Variants in VARS2 observed in about 807,000 individuals in gnomAD.
VARS2 encodes the protein valine--tRNA ligase, mitochondrial.
Under a neutral mutation model 154.1 loss-of-function variants are expected in VARS2, and 105 were observed. That is an observed-to-expected ratio of 0.68 (90% CI 0.58 to 0.80). The LOEUF (loss-of-function observed/expected upper bound fraction) is 0.80. Ranked by LOEUF, VARS2 falls within the 30% of genes least tolerant of loss-of-function variation. The pLI, the probability that VARS2 is intolerant of heterozygous loss-of-function variation, is 0.00. For missense variants in VARS2, 1,157 were observed against 1,361.4 expected, an observed-to-expected ratio of 0.85 and a Z score of 2.36; for synonymous variants, 483 against 539.5, an observed-to-expected ratio of 0.90 and a Z score of 1.45.
In VARS2 at chr6:30,916,295, G is replaced by T; in HGVS notation, c.671+46G>T. 1 of 1,519,124 alleles carries T rather than the reference G, an allele frequency of 6.6e-7. No individual in the cohort carries two copies. The highest frequency in any genetic ancestry group is 9.0e-7 in the Non-Finnish European group (1 of 1,115,608). 94.1% of individuals were successfully genotyped at this position (1,519,124 alleles called of 1,614,324 possible). On this transcript the variant is annotated intron_variant, in intron 7 of 29. Transcript: ENST00000676266. This position sits in a 1 kb window ranked among gnomAD's most constrained non-coding sequence, Gnocchi z 4.0. Reference sequence around the variant, plus strand: ...TCGGGGGGCCCAGATGGCAGATTTGGTTTCTTGCCTCCCACCACTATCACT... The same window carrying T: ...TCGGGGGGCCCAGATGGCAGATTTGTTTTCTTGCCTCCCACCACTATCACT...
In VARS2 at chr6:30,926,113, C is replaced by T. The variant is rs747034589; in HGVS notation, c.3095C>T (p.Ser1032Phe). The part of the protein sequence containing the change: ...EAGTQRQQKL[S>F]SLQLELSKLD... ...CCTCCTTTTCTCCTCGTCCAGCTTT[C>T]TTCCCTCCAGCTGGAATTGTCAAAA... is the stretch of plus-strand genomic sequence containing the variant. The change falls in exon 30 of 30, where the codon TCT (serine) becomes TTT (phenylalanine). Residue 1032 changes from serine to phenylalanine, a missense_variant. Physicochemically the swap from Ser to Phe is radical, Grantham distance 155. Transcript: ENST00000676266. The T allele has an allele frequency of 1.9e-6, 3 of 1,613,106 alleles. No individual in the cohort carries two copies. Among genetic ancestry groups the T allele is most frequent in the Non-Finnish European group, 2.5e-6 (3 of 1,180,030 alleles).
intron 11 of VARS2, 39 bp downstream of exon 11, chr6:30,918,954 C>T: frequency 1.3e-6 from 2 of 1,569,460 alleles, no homozygotes; most frequent in Non-Finnish European, 8.8e-7. Context: ...GCCCGCCCCG[C>T]CAATGGCCTT....
In VARS2 at chr6:30,916,030, G is replaced by A; in HGVS notation, c.556G>A (p.Ala186Thr). The change falls in exon 6 of 30, where the codon GCA (alanine) becomes ACA (threonine). Residue 186 changes from alanine to threonine, a missense_variant. Ala to Thr is a moderately conservative substitution (Grantham distance 58, BLOSUM62 0). Coordinates refer to ENST00000676266, the MANE Select transcript of VARS2 (RefSeq NM_020442.6). The surrounding 1 kb of genome is among the most constrained non-coding windows in gnomAD (Gnocchi z 4.0). Reference protein sequence around the residue: ...QVLWVPGSDHAGIATQAVVEK... With the variant: ...QVLWVPGSDHTGIATQAVVEK... The stretch of plus-strand genomic sequence containing the variant: ...GCTGTGGGTCCCTGGTTCAGATCAT[G>A]CAGGAATTGCTACACAAGTATGTCT... The A allele has an allele frequency of 6.2e-7, 1 of 1,614,030 alleles. No individual in the cohort carries two copies. The highest frequency in any genetic ancestry group is 8.5e-7 in the Non-Finnish European group (1 of 1,179,902).
chr6:30,919,160 C>T lies in VARS2; in HGVS notation c.1074+245C>T. The stretch of plus-strand genomic sequence containing the variant: ...TTGAGACAGAGTCTCGCTCTGTCAC[C>T]AAGGCTGGAGGGCAGTGGTGTGATC... On this transcript the variant is annotated intron_variant, in intron 11 of 29. Coordinates refer to ENST00000676266, the MANE Select transcript of VARS2 (RefSeq NM_020442.6). This position sits in a 1 kb window ranked among gnomAD's most constrained non-coding sequence, Gnocchi z 4.5. 1 of 461,058 alleles carries T rather than the reference C, an allele frequency of 2.2e-6. No homozygotes were observed. Among genetic ancestry groups the T allele is most frequent in the Non-Finnish European group, 3.9e-6 (1 of 253,914 alleles). The allele number at this position is 461,058 out of a possible 1,614,324, so 28.6% of individuals were successfully genotyped here.
Position 30,916,272 on chromosome 6 carries a change from G to T in VARS2, c.671+23G>T. ...GGCGTGAGTATGATGGGCAGGACTC[G>T]GGGGGCCCAGATGGCAGATTTGGTT... On this transcript the variant is annotated intron_variant, in intron 7 of 29. Coordinates refer to ENST00000676266, the MANE Select transcript of VARS2 (RefSeq NM_020442.6). This position sits in a 1 kb window ranked among gnomAD's most constrained non-coding sequence, Gnocchi z 4.0. The T allele has an allele frequency of 6.3e-7, 1 of 1,588,452 alleles. No homozygotes were observed. The highest frequency in any genetic ancestry group is 8.6e-7 in the Non-Finnish European group (1 of 1,165,014).
In VARS2 at chr6:30,925,951, C is replaced by T. The variant is rs1043483; in HGVS notation, c.3033C>T (p.Asp1011=). ...ARRYKLQKQL[D]SLTARTPSEG... ...GGTACAAGTTGCAGAAGCAGCTTGA[C>T]AGCCTCACAGCCAGGACCCCATCAG... The change falls in exon 29 of 30, where the codon GAC becomes GAT. Residue 1011 remains aspartate (D), a synonymous_variant. Transcript: ENST00000676266. The T allele has an allele frequency of 0.73, 1,176,740 of 1,612,818 alleles. 433,575 individuals are homozygous for T. Among genetic ancestry groups the T allele is most frequent in the South Asian group, 0.86 (78,304 of 91,084 alleles).
In VARS2 at chr6:30,914,656, T is replaced by A; in HGVS notation, c.-27-154T>A. ...TCCATGGCGCTGTCTGTCGATACCA[T>A]GCACTCTAGCTCTCAAGGAGGAAAG... is the stretch of plus-strand genomic sequence containing the variant. On this transcript the variant is annotated intron_variant, in intron 1 of 29. Transcript: ENST00000676266. The A allele has an allele frequency of 2.9e-6, 3 of 1,042,490 alleles. 1 individual carries two copies. In the South Asian group the frequency reaches 5.1e-5, roughly 18 times the overall value. 64.6% of individuals were successfully genotyped at this position (1,042,490 alleles called of 1,614,324 possible).
rs751795905 is a variant in VARS2, at chr6:30,914,875, T to C, written c.39T>C (p.Phe13=). ...HLPLASFRPP[F]WGLRHSRGLP... ...CTCTCGCCTCTTTTCGACCACCATT[T>C]TGGGGGCTGAGGCACTCACGGGGCC... The change falls in exon 2 of 30, where the codon TTT becomes TTC. Residue 13 remains phenylalanine, a synonymous_variant. Coordinates refer to ENST00000676266, the MANE Select transcript of VARS2 (RefSeq NM_020442.6). The C allele has an allele frequency of 3.7e-6, 6 of 1,613,044 alleles. No individual in the cohort carries two copies. The highest frequency in any genetic ancestry group is 5.1e-6 in the Non-Finnish European group (6 of 1,180,024).
intron 25 of VARS2, chr6:30,923,895 A>G: frequency 2.8e-6 from 1 of 352,766 alleles, no homozygotes. Flanking sequence ...CCTACGTCCA[A>G]AGCACCTGGA....
At position 30,919,170 on chromosome 6, in the gene VARS2, G is replaced by T; in HGVS notation, c.1074+255G>T. On this transcript the variant is annotated intron_variant, in intron 11 of 29. Coordinates refer to ENST00000676266, the MANE Select transcript of VARS2 (RefSeq NM_020442.6). The surrounding 1 kb of genome is among the most constrained non-coding windows in gnomAD (Gnocchi z 4.5). ...GTCTCGCTCTGTCACCAAGGCTGGA[G>T]GGCAGTGGTGTGATCTTGGCTCACT... 1 of 424,054 alleles carries T rather than the reference G, an allele frequency of 2.4e-6. No homozygotes were observed. Among genetic ancestry groups the T allele is most frequent in the Non-Finnish European group, 4.3e-6 (1 of 232,848 alleles). 26.3% of individuals were successfully genotyped at this position (424,054 alleles called of 1,614,324 possible).
chr6:30,926,116 C>G lies in VARS2; in HGVS notation c.3098C>G (p.Ser1033Cys). 1 of 1,613,126 alleles carries G rather than the reference C, an allele frequency of 6.2e-7. No individual in the cohort carries two copies. Among genetic ancestry groups the G allele is most frequent in the Non-Finnish European group, 8.5e-7 (1 of 1,180,032 alleles). The change falls in exon 30 of 30, where the codon TCC becomes TGC. Residue 1033 changes from serine (S) to cysteine (C), a missense_variant. Physicochemically the swap from Ser to Cys is moderately radical, Grantham distance 112. Transcript: ENST00000676266. ...CCTTTTCTCCTCGTCCAGCTTTCTT[C>G]CCTCCAGCTGGAATTGTCAAAACTG... ...AGTQRQQKLS[S>C]LQLELSKLDK... is the part of the protein sequence containing the mutation.
At position 30,917,720 on chromosome 6, in the gene VARS2, A is replaced by G. The variant is rs1354189354; in HGVS notation, c.899A>G (p.His300Arg). 3 of 1,565,460 alleles carry G rather than the reference A, an allele frequency of 1.9e-6. No individual in the cohort carries two copies. The South Asian group carries it at 3.5e-5, about 18-fold the overall frequency. ...IEVENRPLPG[H>R]TQLRLPGCPT... The stretch of plus-strand genomic sequence containing the variant: ...GTGGAGAACCGGCCCCTGCCTGGCC[A>G]CACACAGCTTCGACTGCCTGGCTGC... The change falls in exon 10 of 30, where the codon CAC (histidine) becomes CGC (arginine). Residue 300 changes from histidine (H) to arginine (R), a missense_variant. By Grantham distance (29) the His-to-Arg change is conservative (BLOSUM62 0). Transcript: ENST00000676266. This position sits in a 1 kb window ranked among gnomAD's most constrained non-coding sequence, Gnocchi z 4.4.
chr6:30,920,221 T>C lies in VARS2; in HGVS notation c.1293+5T>C. ...CTCTGCGGGGACTGGCTGCAGGTGG[T>C]ACCACCCTATGTTACCCCATCCTTT... On this transcript the variant is annotated splice_donor_5th_base_variant and intron_variant, in intron 13 of 29. Coordinates refer to ENST00000676266, the MANE Select transcript of VARS2 (RefSeq NM_020442.6). The surrounding 1 kb of genome is among the most constrained non-coding windows in gnomAD (Gnocchi z 4.6). 1 of 1,565,852 alleles carries C rather than the reference T, an allele frequency of 6.4e-7. No homozygotes were observed. Among genetic ancestry groups the C allele is most frequent in the Non-Finnish European group, 8.7e-7 (1 of 1,155,180 alleles).
At position 30,920,442 on chromosome 6, in the gene VARS2, C is replaced by A; in HGVS notation, c.1397+6C>A. Reference sequence around the variant, plus strand: ...ATGGTACTGCCCATCTGCAGGTAACCTCATTTTAACTCCTTTACTAAGGGC... The same window carrying A: ...ATGGTACTGCCCATCTGCAGGTAACATCATTTTAACTCCTTTACTAAGGGC... On this transcript the variant is annotated splice_donor_region_variant and intron_variant, in intron 14 of 29. Transcript: ENST00000676266. The surrounding 1 kb of genome is among the most constrained non-coding windows in gnomAD (Gnocchi z 4.6). 1 of 1,596,984 alleles carries A rather than the reference C, an allele frequency of 6.3e-7. No homozygotes were observed. The highest frequency in any genetic ancestry group is 8.5e-7 in the Non-Finnish European group (1 of 1,173,672).
chr6:30,921,119 C>T lies in VARS2; in HGVS notation c.1534C>T (p.Gln512Ter). The T allele has an allele frequency of 6.2e-7, 1 of 1,613,948 alleles. No individual in the cohort carries two copies. Among genetic ancestry groups the T allele is most frequent in the Non-Finnish European group, 8.5e-7 (1 of 1,179,912 alleles). Residue 512 changes from glutamine (Q) to a stop codon, truncating the protein, a stop_gained, in exon 16 of 30, where the codon CAG becomes TAG. Coordinates refer to ENST00000676266, the MANE Select transcript of VARS2 (RefSeq NM_020442.6). LOFTEE classifies it high-confidence loss of function. This position sits in a 1 kb window ranked among gnomAD's most constrained non-coding sequence, Gnocchi z 4.6. ...TCCCTCCTTCCACCAGAAGAACTGG[C>T]AGCACTGGTTTTCCCATATTGGGTA... ...LSPSFHQKNWQHWFSHIGDWC... is the reference protein window; with the variant it reads ...LSPSFHQKNW
At position 30,916,272 on chromosome 6, in the gene VARS2, G is replaced by A. The variant is rs758367844; in HGVS notation, c.671+23G>A. 12 of 1,588,334 alleles carry A rather than the reference G, an allele frequency of 7.6e-6. No homozygotes were observed. The highest frequency in any genetic ancestry group is 6.8e-5 in the African/African-American group (5 of 73,998). ...GGCGTGAGTATGATGGGCAGGACTC[G>A]GGGGGCCCAGATGGCAGATTTGGTT... On this transcript the variant is annotated intron_variant, in intron 7 of 29. Transcript: ENST00000676266. The surrounding 1 kb of genome is among the most constrained non-coding windows in gnomAD (Gnocchi z 4.0).
rs148701242 is a variant in VARS2 at position 30,917,790 on chromosome 6, C to G, written c.969C>G (p.Pro323=). ...SFGLLFSVAF[P]VDGEPDAEVV... is the part of the protein sequence containing the mutation. Reference sequence around the variant, plus strand: ...GCCTCCTATTTTCTGTTGCCTTCCCCGTGGATGGAGAGCCTGGTGAGCATA... The same window carrying G: ...GCCTCCTATTTTCTGTTGCCTTCCCGGTGGATGGAGAGCCTGGTGAGCATA... Residue 323 remains proline, a synonymous_variant, in exon 10 of 30, where the codon CCC becomes CCG. Coordinates refer to ENST00000676266, the MANE Select transcript of VARS2 (RefSeq NM_020442.6). The surrounding 1 kb of genome is among the most constrained non-coding windows in gnomAD (Gnocchi z 4.4). 1 of 1,557,462 alleles carries G rather than the reference C, an allele frequency of 6.4e-7. No individual in the cohort carries two copies. Among genetic ancestry groups the G allele is most frequent in the East Asian group, 2.4e-5 (1 of 41,592 alleles).
chr6:30,914,714 C>T (rs1016168892), intron 1 of VARS2, 96 bp from the exon 2 acceptor site: 10 of 1,253,344 alleles, frequency 8.0e-6, no homozygotes, highest in Non-Finnish European at 1.1e-5. Context: ...CTTGGAATAA[C>T]AGACCTGTGC....
At chr6:30,914,487 C>T (rs938417844) in intron 1 of VARS2, 143 bp downstream of exon 1, 1 of 1,332,118 alleles carries the variant, frequency 7.5e-7, no homozygotes, top group Non-Finnish European at 9.6e-7. Flanking sequence ...TCGCCGCGGC[C>T]CTGGCGGGAC....
Sources: allele counts gnomAD v4.1 joint callset, GRCh38; gene constraint gnomAD v4.1.1; non-coding constraint Gnocchi (gnomAD v3.1); transcripts MANE v1.5; gene names NCBI Gene and HGNC (gene_info 2026-07-23, HGNC 2026-07-21).